ZPLD1: variants seen among roughly 807,000 people sequenced by gnomAD.
ZPLD1 encodes the protein zona pellucida-like domain-containing protein 1.
Under a neutral mutation model 47.2 loss-of-function variants are expected in ZPLD1, and 34 were observed. That is an observed-to-expected ratio of 0.72 (90% CI 0.55 to 0.96). ZPLD1 has a LOEUF of 0.96. Among genes scored for constraint, ZPLD1 ranks in the 40% least tolerant of loss-of-function variants. ZPLD1 has a pLI of 0.00. For missense variants in ZPLD1, 512 were observed against 505.8 expected (o/e 1.01, Z -0.12); for synonymous variants, 176 against 186.2 (o/e 0.95, Z 0.45).
At chr3:102,415,457 T>C (rs62274728) in intron 7 of ZPLD1, among the ~76,000 whole-genome samples, 20,167 of 151,778 alleles carry the variant, frequency 0.13, 1,410 homozygotes, top group Middle Eastern at 0.18. Flanking sequence ...TTTAGGCCCA[T>C]TGTAAAGCAA....
At chr3:102,469,367 T>G (rs572790303) in intron 9 of ZPLD1, among the ~76,000 whole-genome samples, 1 of 152,320 alleles carries the variant, frequency 6.6e-6, no homozygotes, top group East Asian at 1.9e-4. Flanking sequence ...TTAATTAGAT[T>G]ATTCTTTAGG....
Position 102,477,369 on chromosome 3 carries a change from C to A in ZPLD1, c.1073-74C>A, listed in dbSNP as rs1707773451. 4.2e-6 allele frequency: 6 copies of A among 1,424,232 alleles called. No homozygotes were observed. The Admixed American group carries it at 6.2e-5, about 15-fold the overall frequency. The allele number at this position is 1,424,232 out of a possible 1,614,324, so 88.2% of individuals were successfully genotyped here. A position where few individuals can be genotyped will look rare whatever the true frequency, so the allele number is the denominator to read the frequency against. On this transcript the variant is annotated intron_variant, in intron 11 of 11. Transcript: ENST00000466937. ...TGAGATGCTGATGAAAGATGTTTTG[C>A]AGGTAAAATTGGGTCAAGGTGAGAT...
At chr3:102,417,159 G>C (rs1161919965) in intron 7 of ZPLD1, among the ~76,000 whole-genome samples, 2 of 151,900 alleles carry the variant, frequency 1.3e-5, no homozygotes, top group African/African-American at 4.8e-5. Flanking sequence ...TCTTATAAAG[G>C]TGTAGGCCAG....
chr3:102,415,717 G>A (rs1203876233), intron 7 of ZPLD1, among the ~76,000 whole-genome samples: 3 of 151,802 alleles, frequency 2.0e-5, no homozygotes, highest in African/African-American at 7.3e-5. Context: ...TACTAACGAT[G>A]CTTAATTTAC....
chr3:102,431,394 T>C (rs1321865506), upstream of ZPLD1, among the ~76,000 whole-genome samples: 2 of 152,344 alleles, frequency 1.3e-5, no homozygotes, highest in Non-Finnish European at 2.9e-5. Flanking sequence ...GTTTTTTTCT[T>C]TATTTAGCAA....
intron 7 of ZPLD1, among the ~76,000 whole-genome samples, chr3:102,411,719 AT>A (rs1706749410): frequency 6.6e-6 from 1 of 151,786 alleles, no homozygotes; most frequent in South Asian, 2.1e-4. Flanking sequence ...AATTTCTTTC[AT>A]TTTGGGTATG....
rs901003005 is a variant in ZPLD1, at chr3:102,478,854, C to T, written c.*1236C>T. 1.3e-5 allele frequency: 2 copies of T among 152,168 alleles called. No homozygotes were observed. Among genetic ancestry groups the T allele is most frequent in the Non-Finnish European group, 2.9e-5 (2 of 68,030 alleles). 9.4% of individuals were successfully genotyped at this position (152,168 alleles called of 1,614,324 possible). ...AACAATTTAATAGCCAACACCAAAA[C>T]CCAGCATGTGAAGTTACTAGAATTG... On this transcript the variant is annotated 3_prime_UTR_variant, in exon 12 of 12. Transcript: ENST00000466937.
chr3:102,458,946 C>T (rs1277079604), intron 6 of ZPLD1, among the ~76,000 whole-genome samples: 2 of 151,644 alleles, frequency 1.3e-5, no homozygotes, highest in Admixed American at 6.6e-5. Context: ...AAAAATTAGC[C>T]GGGCGTGGTG....
intron 6 of ZPLD1, among the ~76,000 whole-genome samples, chr3:102,388,176 C>G (rs1706454378): frequency 6.6e-6 from 1 of 152,006 alleles, no homozygotes; most frequent in Non-Finnish European, 1.5e-5. Context: ...CTGAGAAATT[C>G]TTTCTCGTTT....
chr3:102,397,467 C>T (rs549232381), intron 7 of ZPLD1, among the ~76,000 whole-genome samples: 26 of 152,196 alleles, frequency 1.7e-4, no homozygotes, highest in African/African-American at 5.8e-4. Context: ...ATCAACAAGT[C>T]AACCAGTACT....
intron 3 of ZPLD1, among the ~76,000 whole-genome samples, chr3:102,445,180 G>C (rs547668464): frequency 6.6e-6 from 1 of 152,318 alleles, no homozygotes; most frequent in East Asian, 1.9e-4. Flanking sequence ...ATGGGGGTAA[G>C]AGAAGAGGCT....
chr3:102,468,779 G>T (rs958550640), intron 8 of ZPLD1, among the ~76,000 whole-genome samples, 185 bp from the exon 9 acceptor site: 1 of 152,172 alleles, frequency 6.6e-6, no homozygotes, highest in Admixed American at 6.5e-5. Context: ...TAAATTTTGT[G>T]ATCCAGGTTT....
intron 8 of ZPLD1, among the ~76,000 whole-genome samples, chr3:102,420,637 C>T (rs548051760): frequency 2.0e-5 from 3 of 151,832 alleles, no homozygotes; most frequent in South Asian, 4.1e-4. Flanking sequence ...AATGTGAAAA[C>T]TATTTTTAGC....
intron 8 of ZPLD1, among the ~76,000 whole-genome samples, chr3:102,420,349 T>A (rs1023729145): frequency 1.3e-5 from 2 of 151,962 alleles, no homozygotes; most frequent in African/African-American, 4.8e-5. Flanking sequence ...CCCAGATTTA[T>A]ATGTTTTGTG....
chr3:102,439,333 G>A (rs964056740), intron 3 of ZPLD1, among the ~76,000 whole-genome samples: 11 of 152,224 alleles, frequency 7.2e-5, no homozygotes, highest in Non-Finnish European at 1.3e-4. Flanking sequence ...TTTGGAGCAT[G>A]CTATGAAACA....
chr3:102,476,149 G>A (rs1707754975), intron 10 of ZPLD1, among the ~76,000 whole-genome samples: 1 of 152,092 alleles, frequency 6.6e-6, no homozygotes, highest in African/African-American at 2.4e-5. Flanking sequence ...TATGAACTAT[G>A]TGGTTTTATA....
intron 6 of ZPLD1, among the ~76,000 whole-genome samples, chr3:102,391,332 G>A (rs1311308037): frequency 6.6e-6 from 1 of 152,132 alleles, no homozygotes; most frequent in Admixed American, 6.5e-5. Flanking sequence ...GTGGCAGATT[G>A]TATATCCTCC....
At chr3:102,386,474 T>A (rs1057325689) in intron 6 of ZPLD1, among the ~76,000 whole-genome samples, 1 of 152,138 alleles carries the variant, frequency 6.6e-6, no homozygotes, top group Non-Finnish European at 1.5e-5. Flanking sequence ...TTCTAAATAG[T>A]TTGTAAGTTT....
At chr3:102,429,765 G>A (rs927330333) in intron 8 of ZPLD1, among the ~76,000 whole-genome samples, 2 of 152,154 alleles carry the variant, frequency 1.3e-5, no homozygotes, top group Non-Finnish European at 2.9e-5. Flanking sequence ...ACAACAGATA[G>A]ATGGATGGAT....
Sources: gnomAD v4.1 joint callset for allele counts (sites outside exome capture counted in the v4.1 genomes callset) on GRCh38, gnomAD v4.1.1 for gene constraint, MANE v1.5 for transcripts, NCBI Gene and HGNC (gene_info 2026-07-23, HGNC 2026-07-21) for gene names.